The following OCA2 variants were observed in gnomAD, a reference collection of about 807,000 sequenced individuals.
The protein encoded by OCA2 is P protein.
OCA2 carries 77 observed loss-of-function variants against 100.2 expected under a neutral mutation model. The observed-to-expected ratio is 0.77, with a 90% CI of 0.64 to 0.93. The LOEUF (loss-of-function observed/expected upper bound fraction) is 0.93. OCA2 is among the 40% of genes least tolerant of loss of function. The pLI is 0.00. For missense variants in OCA2, 1,062 were observed against 1,089.1 expected (o/e 0.98, Z 0.35); for synonymous variants, 432 against 439.2 (o/e 0.98, Z 0.21).
At chr15:27,800,860 C>T (rs2033569796) in intron 23 of OCA2, among the ~76,000 whole-genome samples, 1 of 151,670 alleles carries the variant, frequency 6.6e-6, no homozygotes, top group Non-Finnish European at 1.5e-5. Context: ...CTCAGTTACT[C>T]AGGAGGCTGA....
intron 14 of OCA2, among the ~76,000 whole-genome samples, chr15:27,974,661 A>G (rs945692840): frequency 2.6e-5 from 4 of 152,132 alleles, no homozygotes; most frequent in African/African-American, 9.7e-5. Flanking sequence ...CCAGCTACTC[A>G]GGAGGCTGAG....
the OCA2 span, among the ~76,000 whole-genome samples, chr15:27,738,413 A>C: frequency 6.6e-6 from 1 of 152,150 alleles, no homozygotes; most frequent in East Asian, 1.9e-4. Flanking sequence ...CACACAGCAA[A>C]ATCACACGAT....
At chr15:27,946,392 A>G (rs547041893) in intron 18 of OCA2, among the ~76,000 whole-genome samples, 3 of 152,358 alleles carry the variant, frequency 2.0e-5, no homozygotes, top group African/African-American at 7.2e-5. Flanking sequence ...GCTGAGTGTC[A>G]GCCAATCCCC....
At chr15:27,834,980 T>C (rs1027667989) in intron 23 of OCA2, among the ~76,000 whole-genome samples, 7 of 152,208 alleles carry the variant, frequency 4.6e-5, no homozygotes, top group Non-Finnish European at 1.0e-4. Flanking sequence ...TGGCTCTTGA[T>C]ACAGCCTCCA....
rs73375881 is a variant in OCA2 at position 28,021,983 on chromosome 15, T to A, written c.646+518A>T. ...AGATTTACATGAACCCTCCAACTAA[T>A]GCCTGCAGAAGTCAAGGCATGCTCA... On this transcript the variant is annotated intron_variant, in intron 6 of 23. Coordinates refer to ENST00000354638, the MANE Select transcript of OCA2 (RefSeq NM_000275.3). Among the ~76,000 whole-genome samples the A allele has an allele frequency of 1.2e-3, 186 of 152,308 alleles. 2 individuals are homozygous for A. Among genetic ancestry groups the A allele is most frequent in the African/African-American group, 4.3e-3 (177 of 41,576 alleles).
chr15:28,038,164 G>A (rs1235286036), intron 2 of OCA2, among the ~76,000 whole-genome samples: 1 of 152,170 alleles, frequency 6.6e-6, no homozygotes, highest in East Asian at 1.9e-4. Context: ...GACCCAAGCT[G>A]CCTTTCCAGG....
chr15:27,730,732 A>AATATATTTTTATATATATATATATAT, the OCA2 span, among the ~76,000 whole-genome samples: 1 of 102,014 alleles, frequency 9.8e-6, no homozygotes, highest in African/African-American at 3.3e-5. Flanking sequence ...AAAAAGACCA[A>AATATATTTTTATATATATATATATAT]ATATATATAT....
At chr15:27,836,102 C>T (rs903031118) in intron 23 of OCA2, among the ~76,000 whole-genome samples, 1 of 152,198 alleles carries the variant, frequency 6.6e-6, no homozygotes, top group African/African-American at 2.4e-5. Context: ...TAGCTCTCAG[C>T]TCCTGCCCCA....
chr15:28,036,169 G>T (rs1269588224), intron 2 of OCA2, among the ~76,000 whole-genome samples: 4 of 152,164 alleles, frequency 2.6e-5, no homozygotes, highest in African/African-American at 9.7e-5. Flanking sequence ...ATCAAATTAT[G>T]CCTGACCATC....
chr15:28,004,489 ACACACACACAGT>A (rs1189265487), intron 9 of OCA2, among the ~76,000 whole-genome samples: 1 of 152,124 alleles, frequency 6.6e-6, no homozygotes, highest in Non-Finnish European at 1.5e-5. Context: ...CCACACACAG[ACACACACACAGT>A]CACACGCCCT....
At chr15:27,895,436 G>T (rs1233532032) in intron 19 of OCA2, among the ~76,000 whole-genome samples, 2 of 152,236 alleles carry the variant, frequency 1.3e-5, no homozygotes, top group Admixed American at 1.3e-4. Flanking sequence ...CAGACTTGTT[G>T]AATGGCTTTG....
intron 9 of OCA2, among the ~76,000 whole-genome samples, chr15:28,004,949 G>A (rs1365371326): frequency 6.6e-6 from 1 of 152,146 alleles, no homozygotes; most frequent in African/African-American, 2.4e-5. Context: ...GACTGTGGGG[G>A]AGGAAGCCCC....
chr15:27,903,876 T>C (rs1157732764), intron 19 of OCA2, among the ~76,000 whole-genome samples: 1 of 152,256 alleles, frequency 6.6e-6, no homozygotes, highest in African/African-American at 2.4e-5. Context: ...GTGATGGTAT[T>C]GTATAGTATT....
At chr15:27,737,595 A>T in the OCA2 span, among the ~76,000 whole-genome samples, 3 of 152,210 alleles carry the variant, frequency 2.0e-5, no homozygotes, top group African/African-American at 7.2e-5. Flanking sequence ...AAATAATAAG[A>T]CTAGCTGGAT....
chr15:27,733,734 T>C, the OCA2 span, among the ~76,000 whole-genome samples: 2 of 152,154 alleles, frequency 1.3e-5, no homozygotes, highest in Non-Finnish European at 2.9e-5. Flanking sequence ...TTTTATTTAT[T>C]AATAATGAAA....
intron 23 of OCA2, among the ~76,000 whole-genome samples, chr15:27,800,306 A>G (rs2033540120): frequency 6.6e-6 from 1 of 152,196 alleles, no homozygotes; most frequent in South Asian, 2.1e-4. Context: ...AAAAAGGAGA[A>G]GAAAAAAAGT....
At chr15:27,832,830 A>ATTTTTTTTTTTT (rs112415796) in intron 23 of OCA2, among the ~76,000 whole-genome samples, 2 of 135,746 alleles carry the variant, frequency 1.5e-5, no homozygotes. Context: ...TAAATATCTG[A>ATTTTTTTTTTTT]TTTTTTTTTT....
rs555020731 is a variant in OCA2 at position 27,826,412 on chromosome 15, G to C, written c.2432+18547C>G. ...TAGGACTAGGGTTCAAGCTTCAAGC[G>C]CAGAGGCACGGCCCTCAACCACTAC... On this transcript the variant is annotated intron_variant, in intron 23 of 23. Transcript: ENST00000354638. Among the ~76,000 whole-genome samples the C allele has an allele frequency of 2.0e-5, 3 of 152,030 alleles. No homozygotes were observed. The South Asian group carries it at 6.2e-4, about 32-fold the overall frequency.
chr15:27,927,359 T>C (rs1005048841), intron 18 of OCA2, among the ~76,000 whole-genome samples: 1 of 152,188 alleles, frequency 6.6e-6, no homozygotes, highest in African/African-American at 2.4e-5. Context: ...TGTGTAGTAG[T>C]ATGCTAGTGT....
Sources: allele counts gnomAD v4.1 joint callset (sites outside exome capture counted in the v4.1 genomes callset), GRCh38; gene constraint gnomAD v4.1.1; transcripts MANE v1.5; gene names NCBI Gene and HGNC (gene_info 2026-07-23, HGNC 2026-07-21).